The following PI4KA variants were observed in gnomAD, a reference collection of about 807,000 sequenced individuals.
PI4KA encodes PI4-kinase alpha.
Under a neutral mutation model 271.4 loss-of-function variants are expected in PI4KA, and 122 were observed. The ratio of observed to expected loss-of-function variants is 0.45; its 90% CI spans 0.39 to 0.52. The LOEUF (loss-of-function observed/expected upper bound fraction) is 0.52, where lower values mean the gene tolerates loss of function less well. Ranked by LOEUF, PI4KA falls within the 20% of genes least tolerant of loss-of-function variation. PI4KA has a pLI of 0.00. For synonymous variants in PI4KA, 1,041 were observed against 1,078.8 expected (o/e 0.96, Z 0.69); for missense variants, 1,969 against 2,769.1 (o/e 0.71, Z 6.48).
At chr22:20,805,307 T>C (rs890140211) in intron 10 of PI4KA, 142 bp from the exon 11 acceptor site, 8 of 598,632 alleles carry the variant, frequency 1.3e-5, no homozygotes, top group African/African-American at 1.9e-5. Context: ...GGTCCTAGAA[T>C]GCCCACTGGA....
chr22:20,805,511 C>A (rs370555728), intron 10 of PI4KA, among the ~76,000 whole-genome samples: 1 of 152,142 alleles, frequency 6.6e-6, no homozygotes, highest in Non-Finnish European at 1.5e-5. Flanking sequence ...ATATGAGATA[C>A]TTCTGTGATT....
chr22:20,758,378 A>C (rs1931551498), intron 23 of PI4KA, among the ~76,000 whole-genome samples: 1 of 148,180 alleles, frequency 6.7e-6, no homozygotes, highest in Non-Finnish European at 1.5e-5. Flanking sequence ...AAAAAAAAAA[A>C]AAAAAAAAAA....
At chr22:20,820,159 C>A (rs1922450978) in intron 5 of PI4KA, among the ~76,000 whole-genome samples, 1 of 152,162 alleles carries the variant, frequency 6.6e-6, no homozygotes, top group Non-Finnish European at 1.5e-5. Flanking sequence ...CATGGCACAC[C>A]CAAATCAATA....
chr22:20,837,252 C>T (rs1283369300), intron 2 of PI4KA, among the ~76,000 whole-genome samples: 2 of 152,138 alleles, frequency 1.3e-5, no homozygotes, highest in African/African-American at 4.8e-5. Context: ...ATGCCAATGC[C>T]TATAATCCCA....
intron 27 of PI4KA, 91 bp from the exon 28 acceptor site, chr22:20,750,085 A>C (rs1339568048): frequency 1.2e-6 from 1 of 814,482 alleles, no homozygotes; most frequent in African/African-American, 1.7e-5. Flanking sequence ...ATGTCTCCCC[A>C]AATCCCTATG....
chr22:20,810,625 G>C (rs1022964577), intron 9 of PI4KA, among the ~76,000 whole-genome samples: 1 of 152,144 alleles, frequency 6.6e-6, no homozygotes, highest in Non-Finnish European at 1.5e-5. Flanking sequence ...AGCACCAAAG[G>C]AGTGAGGAAG....
At chr22:20,839,969 G>T (rs1925351869) in intron 1 of PI4KA, among the ~76,000 whole-genome samples, 1 of 152,178 alleles carries the variant, frequency 6.6e-6, no homozygotes, top group African/African-American at 2.4e-5. Context: ...GAGATTCAAA[G>T]AATGCTGATT....
At chr22:20,741,602 C>T (rs747648788) in intron 32 of PI4KA, among the ~76,000 whole-genome samples, 1 of 152,164 alleles carries the variant, frequency 6.6e-6, no homozygotes, top group Non-Finnish European at 1.5e-5. Flanking sequence ...CAGCCCGGAA[C>T]ATTTTAATTA....
chr22:20,762,540 C>T (rs532471214), intron 22 of PI4KA, among the ~76,000 whole-genome samples: 2 of 152,214 alleles, frequency 1.3e-5, no homozygotes, highest in East Asian at 1.9e-4. Context: ...GTTAAGAGCC[C>T]GTCCTGAGAA....
intron 18 of PI4KA, 176 bp from the exon 19 acceptor site, chr22:20,793,419 A>G: frequency 1.9e-6 from 1 of 521,550 alleles, no homozygotes; most frequent in Non-Finnish European, 3.4e-6. Flanking sequence ...TTTAATAGCA[A>G]AAAATGAAAA....
At position 20,804,267 on chromosome 22, in the gene PI4KA, G is replaced by A. The variant is rs1328818414; in HGVS notation, c.1461+33C>T. On this transcript the variant is annotated intron_variant, in intron 12 of 54. Transcript: ENST00000255882. ...GACAAGAGGGAGGCCCTACAGGTGGGATCTGAGCCTCTCTGGGTTCAGGGA... is the reference window on the plus strand; with the variant it reads ...GACAAGAGGGAGGCCCTACAGGTGGAATCTGAGCCTCTCTGGGTTCAGGGA... 8 of 1,420,032 alleles carry A rather than the reference G, an allele frequency of 5.6e-6. No homozygotes were observed. The African/African-American group carries it at 8.4e-5, about 15-fold the overall frequency. The allele number at this position is 1,420,032 out of a possible 1,614,324, so 88.0% of individuals were successfully genotyped here. A position where few individuals can be genotyped will look rare whatever the true frequency, so the allele number is the denominator to read the frequency against.
chr22:20,732,103 G>A (rs1928141147), intron 36 of PI4KA, among the ~76,000 whole-genome samples: 1 of 152,170 alleles, frequency 6.6e-6, no homozygotes, highest in African/African-American at 2.4e-5. Context: ...ATACCCGGGA[G>A]GCAGAGCTTG....
In PI4KA at chr22:20,770,533, G is replaced by GA. The variant is rs758345095; in HGVS notation, c.2329-4841dup. The stretch of plus-strand genomic sequence containing the variant: ...CGTCTCAAAAAAAAAAAAAAAAAAA[G>GA]AGAGAGAGAGAGATCGGTTTTGCTA... On this transcript the variant is annotated intron_variant, in intron 19 of 54. Transcript: ENST00000255882. Among the ~76,000 whole-genome samples, 2 of 82,794 alleles carry GA rather than the reference G, an allele frequency of 2.4e-5. 1 individual carries two copies. Among genetic ancestry groups the GA allele is most frequent in the East Asian group, 8.7e-4 (2 of 2,296 alleles). The allele number at this position is 82,794 out of a possible 152,430, so 54.3% of individuals were successfully genotyped here.
intron 3 of PI4KA, among the ~76,000 whole-genome samples, chr22:20,834,127 C>T (rs889671150): frequency 1.3e-5 from 2 of 152,134 alleles, no homozygotes; most frequent in Admixed American, 1.3e-4. Context: ...TTACAGTGAA[C>T]ATTGCTGTTG....
At position 20,751,665 on chromosome 22, in the gene PI4KA, G is replaced by T. The variant is rs979099287; in HGVS notation, c.3069+9C>A. 11 of 1,610,398 alleles carry T rather than the reference G, an allele frequency of 6.8e-6. No individual in the cohort carries two copies. The highest frequency in any genetic ancestry group is 9.3e-6 in the Non-Finnish European group (11 of 1,176,664). ...GTGTTTGGGCCCTAGGTCTCCTGGG[G>T]ACACTCACAGCGCTCAGTGACAGTG... is the stretch of plus-strand genomic sequence containing the variant. On this transcript the variant is annotated intron_variant, in intron 26 of 54. Coordinates refer to ENST00000255882, the MANE Select transcript of PI4KA (RefSeq NM_058004.4).
chr22:20,815,540 G>C (rs999180046), intron 7 of PI4KA, among the ~76,000 whole-genome samples: 11 of 152,190 alleles, frequency 7.2e-5, no homozygotes, highest in Admixed American at 5.9e-4. Flanking sequence ...GACTCAAAGA[G>C]TTTAGTTTAG....
chr22:20,854,090 A>C (rs1387587245), intron 1 of PI4KA, among the ~76,000 whole-genome samples: 2 of 152,208 alleles, frequency 1.3e-5, no homozygotes, highest in Non-Finnish European at 2.9e-5. Flanking sequence ...CATACCAAGG[A>C]GCAGCAGGAG....
At chr22:20,844,188 A>G (rs1478783374) in intron 1 of PI4KA, among the ~76,000 whole-genome samples, 1 of 152,178 alleles carries the variant, frequency 6.6e-6, no homozygotes, top group Non-Finnish European at 1.5e-5. Flanking sequence ...CTCTCACTGC[A>G]GAGAGGCCTG....
chr22:20,828,855 T>C (rs1923788215), intron 3 of PI4KA, among the ~76,000 whole-genome samples: 1 of 152,160 alleles, frequency 6.6e-6, no homozygotes, highest in Admixed American at 6.5e-5. Context: ...GCCTGGCCTG[T>C]TGAGGATTTT....
Sources: gnomAD v4.1 joint callset for allele counts (sites outside exome capture counted in the v4.1 genomes callset) on GRCh38, gnomAD v4.1.1 for gene constraint, MANE v1.5 for transcripts, NCBI Gene and HGNC (gene_info 2026-07-23, HGNC 2026-07-21) for gene names.